Variants in NUP214 observed in about 807,000 individuals in gnomAD.
NUP214 encodes nucleoporin 214.
Under a neutral mutation model 196.2 loss-of-function variants are expected in NUP214, and 79 were observed. The observed-to-expected ratio is 0.40, with a 90% CI of 0.34 to 0.49. NUP214 has a LOEUF of 0.49. Among genes scored for constraint, NUP214 ranks in the 20% least tolerant of loss-of-function variants. NUP214 has a pLI of 0.58. For synonymous variants in NUP214, 1,020 were observed against 990.5 expected (o/e 1.03, Z -0.56); for missense variants, 2,468 against 2,539.0 (o/e 0.97, Z 0.60).
intron 24 of NUP214, among the ~76,000 whole-genome samples, chr9:131,181,089 A>C (rs916692635): frequency 2.0e-5 from 3 of 152,218 alleles, no homozygotes; most frequent in Non-Finnish European, 4.4e-5. Flanking sequence ...AACATGGGTT[A>C]TAATTTTAAA....
chr9:131,208,364 G>A (rs1301686983), intron 30 of NUP214, among the ~76,000 whole-genome samples: 1 of 152,214 alleles, frequency 6.6e-6, no homozygotes, highest in East Asian at 1.9e-4. Flanking sequence ...ACAAAATGTG[G>A]TATATACATT....
intron 14 of NUP214, among the ~76,000 whole-genome samples, chr9:131,149,377 C>T (rs1032706635): frequency 1.3e-5 from 2 of 151,366 alleles, no homozygotes; most frequent in African/African-American, 4.9e-5. Context: ...TCTGTCTCCC[C>T]TAGAGGCTAG....
chr9:131,128,279 G>C, intron 2 of NUP214, 53 bp from the exon 3 acceptor site: 1 of 1,555,478 alleles, frequency 6.4e-7, no homozygotes, highest in Non-Finnish European at 8.7e-7. Flanking sequence ...AGAGGTTGTG[G>C]CTTTATGCTT....
rs1334126761 is a variant in NUP214 at position 131,135,997 on chromosome 9, A to G, written c.996A>G (p.Gln332=). 1.2e-6 allele frequency: 2 copies of G among 1,612,894 alleles called. No individual in the cohort carries two copies. Among genetic ancestry groups the G allele is most frequent in the Non-Finnish European group, 1.7e-6 (2 of 1,178,902 alleles). The part of the protein sequence containing the change: ...ASTEVSILAR[Q]SDQINWESWL... ...CAGAAGTTAGTATCCTTGCTCGACAAAGTGATCAGGTAAATCTCTTTTTTG... is the reference window on the plus strand; with the variant it reads ...CAGAAGTTAGTATCCTTGCTCGACAGAGTGATCAGGTAAATCTCTTTTTTG... Residue 332 remains glutamine, a synonymous_variant, in exon 9 of 36, where the codon CAA becomes CAG. Transcript: ENST00000359428.
chr9:131,198,546 T>G lies in NUP214; in HGVS notation c.5052T>G (p.Ser1684Arg), dbSNP rs371477516. 6.2e-7 allele frequency: 1 copy of G among 1,614,184 alleles called. No individual in the cohort carries two copies. The highest frequency in any genetic ancestry group is 8.5e-7 in the Non-Finnish European group (1 of 1,180,026). The change falls in exon 29 of 36, where the codon AGT becomes AGG. Residue 1684 changes from serine (S) to arginine (R), a missense_variant. Ser to Arg is a moderately radical substitution (Grantham distance 110, BLOSUM62 -1). Transcript: ENST00000359428. ...AAGTGGCAGCCAGCACCGCACCAAG[T>G]CTGTTTGGGCAGCAGACTGGTAGCA... ...FGQVAASTAP[S>R]LFGQQTGSTA...
chr9:131,227,481 TA>T (rs1019412346), intron 32 of NUP214, among the ~76,000 whole-genome samples: 107 of 141,118 alleles, frequency 7.6e-4, no homozygotes, highest in African/African-American at 9.9e-4. Flanking sequence ...AAAAAGCATT[TA>T]AAAAAAAAAA....
intron 24 of NUP214, among the ~76,000 whole-genome samples, chr9:131,186,736 A>G (rs564447223): frequency 3.2e-4 from 49 of 152,384 alleles, no homozygotes; most frequent in South Asian, 2.1e-4. Flanking sequence ...GAATAGGGGT[A>G]TACTTTTCAT....
At chr9:131,188,925 A>T (rs2131026633) in intron 25 of NUP214, 128 bp from the exon 26 acceptor site, 3 of 664,612 alleles carry the variant, frequency 4.5e-6, no homozygotes, top group East Asian at 2.8e-5. Flanking sequence ...TCTTTTTGGT[A>T]ATTTATCTAA....
chr9:131,227,001 C>T (rs1245343944), intron 32 of NUP214, among the ~76,000 whole-genome samples: 1 of 152,216 alleles, frequency 6.6e-6, no homozygotes, highest in East Asian at 1.9e-4. Flanking sequence ...CCCGCTAGCA[C>T]GCAGTTCATA....
At chr9:131,215,969 C>G (rs1444030751) in intron 31 of NUP214, among the ~76,000 whole-genome samples, 7 of 132,972 alleles carry the variant, frequency 5.3e-5, no homozygotes, top group Non-Finnish European at 1.1e-4. Flanking sequence ...ATGGCGTGAT[C>G]TCAGCTCACT....
chr9:131,209,613 C>CATTGTGGTTAAAACACT (rs1834180916), intron 30 of NUP214, among the ~76,000 whole-genome samples: 1 of 152,056 alleles, frequency 6.6e-6, no homozygotes, highest in African/African-American at 2.4e-5. Context: ...AGGCTGGTCT[C>CATTGTGGTTAAAACACT]GAACTCCTCA....
At chr9:131,189,384 G>C (rs1833541037) in intron 26 of NUP214, among the ~76,000 whole-genome samples, 2 of 152,214 alleles carry the variant, frequency 1.3e-5, no homozygotes, top group Non-Finnish European at 2.9e-5. Flanking sequence ...GTTTGAAAAT[G>C]ATAGAGCAAT....
chr9:131,193,574 C>T (rs1833673427), intron 27 of NUP214, among the ~76,000 whole-genome samples: 1 of 140,602 alleles, frequency 7.1e-6, no homozygotes, highest in African/African-American at 2.6e-5. Flanking sequence ...ATTATTGCAT[C>T]CTTTACAGAT....
At chr9:131,165,554 A>T (rs1012548095) in intron 21 of NUP214, among the ~76,000 whole-genome samples, 1 of 152,240 alleles carries the variant, frequency 6.6e-6, no homozygotes, top group Non-Finnish European at 1.5e-5. Context: ...CACTGTAGAA[A>T]ACAGTTTGGT....
chr9:131,148,112 G>A (rs186171577), intron 14 of NUP214, among the ~76,000 whole-genome samples: 51 of 152,290 alleles, frequency 3.3e-4, no homozygotes, highest in Non-Finnish European at 1.2e-4. Context: ...ACTTGAACCC[G>A]GGAGGCGGAG....
chr9:131,197,589 G>T lies in NUP214; in HGVS notation c.4095G>T (p.Thr1365=), dbSNP rs142575574. The T allele has an allele frequency of 8.1e-6, 13 of 1,614,086 alleles. No individual in the cohort carries two copies. In the African/African-American group the frequency reaches 1.3e-4, roughly 17 times the overall value. ...TAACTAGTACCCAGCCAACCAAGAC[G>T]TCAGGCGTGCCCTCAGGGTTTAATT... ...TSLTSTQPTK[T]SGVPSGFNFT... The change falls in exon 29 of 36, where the codon ACG becomes ACT. Residue 1365 remains threonine (T), a synonymous_variant. Coordinates refer to ENST00000359428, the MANE Select transcript of NUP214 (RefSeq NM_005085.4).
intron 4 of NUP214, among the ~76,000 whole-genome samples, chr9:131,130,137 G>GTTTTTTTTTTTTGTTTTTT (rs1831492300): frequency 2.6e-5 from 2 of 76,894 alleles, no homozygotes; most frequent in East Asian, 4.6e-4. Flanking sequence ...TTCTGGTTTT[G>GTTTTTTTTTTTTGTTTTTT]TTTTTTTTTT....
intron 31 of NUP214, among the ~76,000 whole-genome samples, chr9:131,215,668 G>A (rs966924222): frequency 6.6e-6 from 1 of 152,058 alleles, no homozygotes; most frequent in Non-Finnish European, 1.5e-5. Context: ...GGAGTGACTT[G>A]AAGTGAATGC....
chr9:131,156,220 C>T (rs1441199367), intron 17 of NUP214, among the ~76,000 whole-genome samples: 3 of 151,100 alleles, frequency 2.0e-5, no homozygotes, highest in Non-Finnish European at 4.4e-5. Context: ...GCAAGCTCCA[C>T]CTCCCGGGTT....
Sources: allele counts gnomAD v4.1 joint callset (sites outside exome capture counted in the v4.1 genomes callset), GRCh38; gene constraint gnomAD v4.1.1; transcripts MANE v1.5; gene names NCBI Gene and HGNC (gene_info 2026-07-23, HGNC 2026-07-21).